The following JARID2 variants were observed in gnomAD, a reference collection of about 807,000 sequenced individuals.
The protein encoded by JARID2 is protein Jumonji.
JARID2 carries 21 observed loss-of-function variants against 125.6 expected under a neutral mutation model. That is an observed-to-expected ratio of 0.17 (90% CI 0.12 to 0.24). The LOEUF (loss-of-function observed/expected upper bound fraction) is 0.24, where lower values mean the gene tolerates loss of function less well. JARID2 is among the 10% of genes least tolerant of loss of function. The probability of loss-of-function intolerance (pLI) is 1.00; values close to 1 mark genes in which losing one functional copy is unlikely to be tolerated. For synonymous variants in JARID2, 736 were observed against 661.6 expected (o/e 1.11, Z -1.73); for missense variants, 1,303 against 1,639.6 (o/e 0.79, Z 3.55).
At chr6:15,324,194 A>C (rs889379577) in intron 1 of JARID2, among the ~76,000 whole-genome samples, 3 of 151,070 alleles carry the variant, frequency 2.0e-5, no homozygotes, top group Admixed American at 6.6e-5. Flanking sequence ...AAAAAAAAAA[A>C]CTGGAAAAAA....
rs117662721 is a variant in JARID2, at chr6:15,483,052, A to T, written c.671-4255A>T. On this transcript the variant is annotated intron_variant, in intron 5 of 17. Transcript: ENST00000341776. ...TCTGTCATTGGCAGCAACGACTATT[A>T]GTTACTTTCCTTGAATAGACAGGCT... Among the ~76,000 whole-genome samples, 615 of 152,374 alleles carry T rather than the reference A, an allele frequency of 4.0e-3. 16 individuals carry two copies. The highest frequency in any genetic ancestry group is 0.028 in the Admixed American group (423 of 15,310).
chr6:15,467,360 T>C (rs1768788803), intron 4 of JARID2, among the ~76,000 whole-genome samples: 1 of 152,304 alleles, frequency 6.6e-6, no homozygotes, highest in East Asian at 1.9e-4. Context: ...AGCTCATTCA[T>C]AGGCAGGCAA....
intron 1 of JARID2, among the ~76,000 whole-genome samples, chr6:15,287,019 G>A (rs1339966715): frequency 6.6e-6 from 1 of 152,150 alleles, no homozygotes; most frequent in Non-Finnish European, 1.5e-5. Context: ...GGAGGCTGAG[G>A]CAGGATAATC....
Position 15,521,672 on chromosome 6 carries a change from G to T in JARID2, c.*1421G>T, listed in dbSNP as rs542481558. On this transcript the variant is annotated 3_prime_UTR_variant, in exon 18 of 18. Transcript: ENST00000341776. ...TTTCATAATTGGATTCATCAATCCC[G>T]TAGCTACCCATATTGCACTGAGCTT... 1 of 152,184 alleles carries T rather than the reference G, an allele frequency of 6.6e-6. No homozygotes were observed. Among genetic ancestry groups the T allele is most frequent in the South Asian group, 2.1e-4 (1 of 4,832 alleles). The allele number at this position is 152,184 out of a possible 1,614,324, so 9.4% of individuals were successfully genotyped here.
At chr6:15,408,312 CTT>C in intron 2 of JARID2, among the ~76,000 whole-genome samples, 1 of 152,254 alleles carries the variant, frequency 6.6e-6, no homozygotes, top group African/African-American at 2.4e-5. Context: ...TGTGCATCCT[CTT>C]TTTTTCCTTT....
intron 1 of JARID2, among the ~76,000 whole-genome samples, chr6:15,268,045 A>T (rs984358917): frequency 6.6e-6 from 1 of 152,118 alleles, no homozygotes; most frequent in Non-Finnish European, 1.5e-5. Context: ...GGGACACCAT[A>T]CCTAATGTGC....
At chr6:15,429,876 C>A (rs578021564) in intron 3 of JARID2, among the ~76,000 whole-genome samples, 4 of 152,012 alleles carry the variant, frequency 2.6e-5, no homozygotes, top group African/African-American at 9.7e-5. Flanking sequence ...CAAAATGTAC[C>A]GTGTAAATTT....
At chr6:15,507,836 T>C (rs1053728845) in intron 11 of JARID2, among the ~76,000 whole-genome samples, 1 of 152,230 alleles carries the variant, frequency 6.6e-6, no homozygotes, top group African/African-American at 2.4e-5. Flanking sequence ...TCACCATGAA[T>C]GTGAAGGCCC....
chr6:15,366,518 C>A (rs867821907), intron 1 of JARID2, among the ~76,000 whole-genome samples: 4 of 14,426 alleles, frequency 2.8e-4, no homozygotes, highest in African/African-American at 5.8e-4. Context: ...GCGGGGGGGG[C>A]GGGGGGGGTG....
At chr6:15,421,912 C>T (rs1766506416) in intron 3 of JARID2, among the ~76,000 whole-genome samples, 1 of 152,182 alleles carries the variant, frequency 6.6e-6, no homozygotes, top group Non-Finnish European at 1.5e-5. Flanking sequence ...GCTGTCATGC[C>T]TAGTGTTACT....
intron 1 of JARID2, among the ~76,000 whole-genome samples, chr6:15,346,068 A>T (rs1004545183): frequency 6.6e-6 from 1 of 152,238 alleles, no homozygotes; most frequent in African/African-American, 2.4e-5. Context: ...GTCTGATAAA[A>T]GTCTGTTGTC....
chr6:15,505,309 A>G (rs1193655915), intron 9 of JARID2: 1 of 150,508 alleles, frequency 6.6e-6, no homozygotes, highest in African/African-American at 2.4e-5. Flanking sequence ...TTTGCTGACC[A>G]CAGCCTCATC....
chr6:15,375,720 T>A (rs1764327750), intron 2 of JARID2, among the ~76,000 whole-genome samples: 1 of 152,224 alleles, frequency 6.6e-6, no homozygotes, highest in South Asian at 2.1e-4. Flanking sequence ...AGCATCTTGC[T>A]TGATTAAATG....
chr6:15,508,129 C>T (rs1488472681), intron 11 of JARID2, among the ~76,000 whole-genome samples: 1 of 152,190 alleles, frequency 6.6e-6, no homozygotes, highest in Non-Finnish European at 1.5e-5. Context: ...CCGACGTGCT[C>T]CTGATGTTTT....
At chr6:15,272,080 G>A (rs1760319267) in intron 1 of JARID2, among the ~76,000 whole-genome samples, 1 of 151,494 alleles carries the variant, frequency 6.6e-6, no homozygotes, top group African/African-American at 2.4e-5. Flanking sequence ...AGCCAGGATC[G>A]TGCCATTGCA....
chr6:15,434,788 C>T (rs1285710762), intron 3 of JARID2, among the ~76,000 whole-genome samples: 4 of 152,132 alleles, frequency 2.6e-5, no homozygotes, highest in African/African-American at 7.2e-5. Flanking sequence ...CTCAGCTTTC[C>T]GTATCTTGGG....
At chr6:15,345,786 T>C (rs2127474523) in intron 1 of JARID2, among the ~76,000 whole-genome samples, 1 of 152,340 alleles carries the variant, frequency 6.6e-6, no homozygotes, top group East Asian at 1.9e-4. Flanking sequence ...ACATTGTAGT[T>C]CAGCACAGCC....
chr6:15,322,244 G>A (rs773413954), intron 1 of JARID2, among the ~76,000 whole-genome samples: 8 of 152,214 alleles, frequency 5.3e-5, no homozygotes, highest in Non-Finnish European at 8.8e-5. Context: ...TTTTCAAGGA[G>A]CAGTAAGAGT....
At chr6:15,361,038 G>GAACTTTGGTATT (rs1167110234) in intron 1 of JARID2, among the ~76,000 whole-genome samples, 1 of 152,192 alleles carries the variant, frequency 6.6e-6, no homozygotes, top group African/African-American at 2.4e-5. Context: ...TCTCTGGACT[G>GAACTTTGGTATT]AACTTTGGTA....
Sources: gnomAD v4.1 joint callset for allele counts (sites outside exome capture counted in the v4.1 genomes callset) on GRCh38, gnomAD v4.1.1 for gene constraint, MANE v1.5 for transcripts, NCBI Gene and HGNC (gene_info 2026-07-23, HGNC 2026-07-21) for gene names.